The following COPB1 variants were observed in gnomAD, a reference collection of about 807,000 sequenced individuals.
COPB1 encodes the protein coatomer subunit beta.
COPB1 carries 21 observed loss-of-function variants against 108.7 expected under a neutral mutation model. The ratio of observed to expected loss-of-function variants is 0.19; its 90% CI spans 0.14 to 0.28. The LOEUF is 0.28. Among genes scored for constraint, COPB1 ranks in the 10% least tolerant of loss-of-function variants. The probability of loss-of-function intolerance (pLI) is 1.00; values close to 1 mark genes in which losing one functional copy is unlikely to be tolerated. For missense variants in COPB1, 919 were observed against 1,141.3 expected (o/e 0.81, Z 2.81); for synonymous variants, 378 against 386.8 (o/e 0.98, Z 0.27).
chr11:14,477,322 G>A (rs376547919), intron 11 of COPB1, among the ~76,000 whole-genome samples: 10 of 137,766 alleles, frequency 7.3e-5, no homozygotes, highest in African/African-American at 1.6e-4. Context: ...CTCGGGAAGC[G>A]GAGCTTGCAG....
At chr11:14,464,826 C>A in intron 18 of COPB1, 85 bp downstream of exon 18, 1 of 1,407,370 alleles carries the variant, frequency 7.1e-7, no homozygotes, top group Non-Finnish European at 9.8e-7. Flanking sequence ...TAGATCCTCT[C>A]CTCATACAAT....
At chr11:14,488,227 A>G (rs145898743) in intron 6 of COPB1, among the ~76,000 whole-genome samples, 7 of 152,346 alleles carry the variant, frequency 4.6e-5, no homozygotes, top group Middle Eastern at 3.4e-3. Flanking sequence ...GAAGTTCACA[A>G]TGATTTATGT....
At chr11:14,488,687 G>A (rs1850828240) in intron 5 of COPB1, 103 bp from the exon 6 acceptor site, 1 of 525,390 alleles carries the variant, frequency 1.9e-6, no homozygotes, top group Non-Finnish European at 3.1e-6. Flanking sequence ...TAAAACAAAT[G>A]AGGAGATCAG....
At chr11:14,470,940 A>ACT (rs1170941969) in intron 14 of COPB1, among the ~76,000 whole-genome samples, 11 of 85,800 alleles carry the variant, frequency 1.3e-4, no homozygotes, top group African/African-American at 2.5e-4. Flanking sequence ...ACACACACAC[A>ACT]CACACTCTCT....
Position 14,476,960 on chromosome 11 carries a change from T to C in COPB1, c.1414A>G (p.Ile472Val), listed in dbSNP as rs1413508827. ...LGEYCSTKEDIQSVMTEIRRS... is the reference protein window; with the variant it reads ...LGEYCSTKEDVQSVMTEIRRS... ...CGGATCTCAGTCATCACACTCTGAA[T>C]GTCTTCCTTGGTACTACAGTATTCT... Residue 472 changes from isoleucine to valine, a missense_variant, in exon 12 of 22, where the codon ATT (isoleucine) becomes GTT (valine). This residue lies in a region of COPB1 where 705 missense variants were observed against 817.8 expected (regional missense o/e 0.86). Coordinates refer to ENST00000439561, the MANE Select transcript of COPB1 (RefSeq NM_001144061.2). The C allele has an allele frequency of 2.5e-6, 4 of 1,612,934 alleles. No individual in the cohort carries two copies. The Admixed American group carries it at 5.0e-5, about 20-fold the overall frequency.
intron 5 of COPB1, among the ~76,000 whole-genome samples, chr11:14,489,451 T>C (rs1241910547): frequency 6.6e-6 from 1 of 152,216 alleles, no homozygotes; most frequent in Non-Finnish European, 1.5e-5. Context: ...TTATTCCTAA[T>C]AGCTAAAAGA....
At position 14,480,997 on chromosome 11, in the gene COPB1, A is replaced by G. The variant is rs1310724242; in HGVS notation, c.1058T>C (p.Val353Ala). The G allele has an allele frequency of 4.3e-6, 7 of 1,613,698 alleles. No homozygotes were observed. The African/African-American group carries it at 5.3e-5, about 12-fold the overall frequency. Residue 353 changes from valine to alanine, a missense_variant, in exon 9 of 22, where the codon GTT becomes GCT. Physicochemically the swap from Val to Ala is moderately conservative, Grantham distance 64. This residue lies in a region of COPB1 where 705 missense variants were observed against 817.8 expected (regional missense o/e 0.86). Coordinates refer to ENST00000439561, the MANE Select transcript of COPB1 (RefSeq NM_001144061.2). ...GTCAGAGTTTCCTTTTACCTCTTCA[A>G]CATTTCTAGAAGAGACAAGATCCAG... ...LALDLVSSRN[V>A]EELVIVLKKE...
At chr11:14,464,360 C>T (rs1565011847) in intron 18 of COPB1, among the ~76,000 whole-genome samples, 1 of 152,270 alleles carries the variant, frequency 6.6e-6, no homozygotes, top group Non-Finnish European at 1.5e-5. Flanking sequence ...TTACATACTG[C>T]ACATATTTAT....
At position 14,468,858 on chromosome 11, in the gene COPB1, T is replaced by C. The variant is rs773586155; in HGVS notation, c.1968A>G (p.Lys656=). Residue 656 remains lysine, a splice_region_variant and synonymous_variant, in exon 16 of 22, where the codon AAA becomes AAG. Transcript: ENST00000439561. ...KLEEEKLSQK[K]ESEKRNVTVQ... Reference sequence around the variant, plus strand: ...CTGTCACATTCCTCTTTTCAGATTCTTTCTGTGTTGAGAATATAACAAAGT... The same window carrying C: ...CTGTCACATTCCTCTTTTCAGATTCCTTCTGTGTTGAGAATATAACAAAGT... 10 of 1,613,162 alleles carry C rather than the reference T, an allele frequency of 6.2e-6. No individual in the cohort carries two copies. The highest frequency in any genetic ancestry group is 1.6e-4 in the Middle Eastern group (1 of 6,076).
intron 7 of COPB1, 100 bp from the exon 8 acceptor site, chr11:14,483,251 CACACA>C: frequency 3.0e-6 from 2 of 666,292 alleles, no homozygotes; most frequent in South Asian, 3.1e-5. Context: ...CACACACACA[CACACA>C]CACTCCCATG....
At chr11:14,470,339 T>C (rs7113429) in intron 14 of COPB1, among the ~76,000 whole-genome samples, 2,600 of 152,328 alleles carry the variant, frequency 0.017, 33 homozygotes, top group Non-Finnish European at 0.03. Flanking sequence ...ACAAGGTACC[T>C]AAAGTTAGGC....
chr11:14,470,438 T>A (rs1452955012), intron 14 of COPB1, among the ~76,000 whole-genome samples: 1 of 152,216 alleles, frequency 6.6e-6, no homozygotes, highest in Admixed American at 6.5e-5. Context: ...CCTATGTAAA[T>A]ACCTTTAATG....
chr11:14,477,021 A>T lies in COPB1; in HGVS notation c.1359-6T>A. On this transcript the variant is annotated splice_region_variant and splice_polypyrimidine_tract_variant and intron_variant, in intron 11 of 21. Transcript: ENST00000439561. The stretch of plus-strand genomic sequence containing the variant: ...ATAATGCTCCTCGGTAAATCCTAGC[A>T]CAATACAAGATCTGAAACATGAACT... 6.5e-7 allele frequency: 1 copy of T among 1,546,248 alleles called. No individual in the cohort carries two copies. The highest frequency in any genetic ancestry group is 8.9e-7 in the Non-Finnish European group (1 of 1,118,948).
At chr11:14,485,791 T>C (rs1850756911) in intron 7 of COPB1, among the ~76,000 whole-genome samples, 1 of 152,166 alleles carries the variant, frequency 6.6e-6, no homozygotes, top group South Asian at 2.1e-4. Flanking sequence ...GAGGATGCAG[T>C]GAGCCAAGAT....
rs548704819 is a variant in COPB1 at position 14,482,128 on chromosome 11, C to T, written c.957+904G>A. ...TTTACTGCTGATAATTTTAGTGTAT[C>T]TCTCTCAAGGGTAAGGATAATTTCT... On this transcript the variant is annotated intron_variant, in intron 8 of 21. Transcript: ENST00000439561. 8.5e-5 allele frequency among the ~76,000 whole-genome samples: 13 copies of T among 152,214 alleles called. No individual in the cohort carries two copies. The East Asian group carries it at 2.5e-3, about 29-fold the overall frequency.
chr11:14,477,896 C>CAAACA, intron 11 of COPB1, among the ~76,000 whole-genome samples: 1 of 59,934 alleles, frequency 1.7e-5, no homozygotes, highest in East Asian at 5.4e-4. Context: ...GACTCCATCT[C>CAAACA]AAAAAAAAAA....
intron 14 of COPB1, among the ~76,000 whole-genome samples, chr11:14,469,867 C>T (rs1254885813): frequency 6.6e-6 from 1 of 152,210 alleles, no homozygotes; most frequent in East Asian, 1.9e-4. Flanking sequence ...ATCCCAACTA[C>T]AGAAAAGTTA....
At chr11:14,493,365 GT>G (rs1390411749) in intron 4 of COPB1, among the ~76,000 whole-genome samples, 4 of 152,162 alleles carry the variant, frequency 2.6e-5, no homozygotes, top group East Asian at 3.8e-4. Context: ...GAGTAATACG[GT>G]TGAGAATGAC....
rs1002232837 is a variant in COPB1, at chr11:14,465,109, A to T, written c.2291-79T>A. 46 of 1,345,370 alleles carry T rather than the reference A, an allele frequency of 3.4e-5. 1 individual carries two copies. Among genetic ancestry groups the T allele is most frequent in the Non-Finnish European group, 1.6e-5 (16 of 1,014,748 alleles). The allele number at this position is 1,345,370 out of a possible 1,614,324, so 83.3% of individuals were successfully genotyped here. A position where few individuals can be genotyped will look rare whatever the true frequency, so the allele number is the denominator to read the frequency against. On this transcript the variant is annotated intron_variant, in intron 17 of 21. Coordinates refer to ENST00000439561, the MANE Select transcript of COPB1 (RefSeq NM_001144061.2). Reference sequence around the variant, plus strand: ...CACACACACACACACACACACACACACTAACCATAAAACCTTAAATGTATG... The same window carrying T: ...CACACACACACACACACACACACACTCTAACCATAAAACCTTAAATGTATG...
Sources: allele counts gnomAD v4.1 joint callset (sites outside exome capture counted in the v4.1 genomes callset), GRCh38; gene constraint gnomAD v4.1.1; regional missense constraint gnomAD v4.1.1; transcripts MANE v1.5; gene names NCBI Gene and HGNC (gene_info 2026-07-23, HGNC 2026-07-21).